ERI1: variants seen among roughly 807,000 people sequenced by gnomAD.
ERI1 encodes the protein exoribonuclease 1.
Under a neutral mutation model 39.7 loss-of-function variants are expected in ERI1, and 39 were observed. That is an observed-to-expected ratio of 0.98 (90% CI 0.76 to 1.28). The LOEUF is 1.28. ERI1 is among the 50% of genes most tolerant of loss of function. The pLI, the probability that ERI1 is intolerant of heterozygous loss-of-function variation, is 0.00. For missense variants in ERI1, 581 were observed against 416.9 expected (o/e 1.39, Z -3.43); for synonymous variants, 204 against 149.6 (o/e 1.36, Z -2.65).
chr8:9,066,602 G>A (rs992529681), intron 3 of ERI1, among the ~76,000 whole-genome samples: 1 of 152,232 alleles, frequency 6.6e-6, no homozygotes, highest in Non-Finnish European at 1.5e-5. Context: ...TTGTGAAGAT[G>A]TAGGACATTT....
At chr8:9,074,114 C>T (rs1359716331) in intron 3 of ERI1, among the ~76,000 whole-genome samples, 5 of 150,432 alleles carry the variant, frequency 3.3e-5, no homozygotes, top group Non-Finnish European at 1.5e-5. Context: ...GTTATTTTTT[C>T]GTTTTTGTTT....
chr8:9,028,584 C>T (rs1286688460), intron 6 of ERI1, among the ~76,000 whole-genome samples: 1 of 152,154 alleles, frequency 6.6e-6, no homozygotes, highest in African/African-American at 2.4e-5. Flanking sequence ...GAATGTAAAA[C>T]TTAACAAATC....
At chr8:9,007,603 G>A (rs1164761395) in intron 1 of ERI1, among the ~76,000 whole-genome samples, 2 of 152,132 alleles carry the variant, frequency 1.3e-5, no homozygotes, top group African/African-American at 4.8e-5. Flanking sequence ...CCATTTTATA[G>A]ATAAGGAAAT....
chr8:9,024,634 G>A (rs1240685102), intron 6 of ERI1, among the ~76,000 whole-genome samples: 1 of 152,044 alleles, frequency 6.6e-6, no homozygotes, highest in Non-Finnish European at 1.5e-5. Flanking sequence ...ATGTTGGCCA[G>A]GCTGGTTTTG....
intron 3 of ERI1, among the ~76,000 whole-genome samples, chr8:9,044,469 A>G (rs3958881): frequency 0.13 from 20,512 of 152,096 alleles, 1,502 homozygotes; most frequent in Middle Eastern, 0.17. Flanking sequence ...ACTGGCCCCC[A>G]TACAGGTAGG....
intron 3 of ERI1, among the ~76,000 whole-genome samples, chr8:9,058,164 G>C (rs923015406): frequency 6.6e-6 from 1 of 152,202 alleles, no homozygotes; most frequent in Non-Finnish European, 1.5e-5. Flanking sequence ...GGAGCAGACA[G>C]ACTGCTGCAA....
intron 3 of ERI1, among the ~76,000 whole-genome samples, chr8:9,044,762 C>T (rs1157898610): frequency 6.6e-6 from 1 of 152,008 alleles, no homozygotes. Context: ...GTCTCCAAGA[C>T]GGTATTTTCC....
In ERI1 at chr8:9,029,951, C is replaced by G; in HGVS notation, c.967C>G (p.His323Asp). The G allele has an allele frequency of 6.2e-7, 1 of 1,614,092 alleles. No homozygotes were observed. The highest frequency in any genetic ancestry group is 8.5e-7 in the Non-Finnish European group (1 of 1,180,006). Residue 323 changes from histidine (H) to aspartate (D), a missense_variant, in exon 7 of 7, where the codon CAT (histidine) becomes GAT (aspartate). Transcript: ENST00000250263. ...TGAACTCCGAATCAACGAGAAAATG[C>G]ATGCAGGACAGCTAATGAGTGTGTC... ...GCELRINEKM[H>D]AGQLMSVSSS...
intron 3 of ERI1, among the ~76,000 whole-genome samples, chr8:9,077,302 C>G (rs1461669760): frequency 6.6e-6 from 1 of 152,202 alleles, no homozygotes; most frequent in African/African-American, 2.4e-5. Context: ...AAAAATTCCA[C>G]CTGTTTCATG....
chr8:9,051,707 T>C (rs1585262966), intron 3 of ERI1, among the ~76,000 whole-genome samples: 1 of 152,252 alleles, frequency 6.6e-6, no homozygotes, highest in South Asian at 2.1e-4. Flanking sequence ...CTCTTGGTCC[T>C]GCCTAGAACC....
intron 3 of ERI1, among the ~76,000 whole-genome samples, chr8:9,043,473 G>A (rs1798086083): frequency 6.6e-6 from 1 of 152,218 alleles, no homozygotes; most frequent in Admixed American, 6.5e-5. Context: ...GTGGTTCTTT[G>A]GAGTTCAGGA....
intron 1 of ERI1, among the ~76,000 whole-genome samples, chr8:9,005,083 G>C (rs949603176): frequency 3.9e-5 from 6 of 152,178 alleles, no homozygotes; most frequent in Admixed American, 2.6e-4. Flanking sequence ...TTGTAAACTA[G>C]TAGAAGCTAT....
At chr8:9,097,731 A>C (rs938320377) in intron 3 of ERI1, among the ~76,000 whole-genome samples, 4 of 152,066 alleles carry the variant, frequency 2.6e-5, no homozygotes, top group African/African-American at 9.7e-5. Context: ...TTTTAAAAGA[A>C]AGAAAAGAAG....
chr8:9,099,530 G>T (rs1303329819), intron 3 of ERI1, among the ~76,000 whole-genome samples: 1 of 151,398 alleles, frequency 6.6e-6, no homozygotes, highest in Non-Finnish European at 1.5e-5. Context: ...GGGAGGTCAA[G>T]GCAGCAGTGA....
downstream of ERI1, chr8:9,033,460 C>G (rs1011909294): frequency 6.6e-6 from 1 of 152,044 alleles, no homozygotes; most frequent in Non-Finnish European, 1.5e-5. Flanking sequence ...CTGTCTGGCC[C>G]TTTATGGAGA....
chr8:9,027,917 A>G (rs1380063389), intron 6 of ERI1, among the ~76,000 whole-genome samples: 1 of 152,214 alleles, frequency 6.6e-6, no homozygotes, highest in Non-Finnish European at 1.5e-5. Flanking sequence ...TTTCAGGATA[A>G]AATCCTACTT....
intron 3 of ERI1, among the ~76,000 whole-genome samples, chr8:9,065,510 G>A (rs887243017): frequency 6.6e-6 from 1 of 151,880 alleles, no homozygotes; most frequent in African/African-American, 2.4e-5. Context: ...CTTGGCTAAC[G>A]TGGTGAAACG....
chr8:9,084,978 G>T (rs747902376), intron 3 of ERI1, among the ~76,000 whole-genome samples: 1 of 152,018 alleles, frequency 6.6e-6, no homozygotes, highest in African/African-American at 2.4e-5. Flanking sequence ...AATCCCCCCT[G>T]CATCCCCCTC....
intron 3 of ERI1, among the ~76,000 whole-genome samples, chr8:9,083,338 A>G (rs1292452176): frequency 6.6e-6 from 1 of 152,224 alleles, no homozygotes; most frequent in African/African-American, 2.4e-5. Context: ...ATTACATGGT[A>G]TCTGCCCCCT....
Sources: allele counts gnomAD v4.1 joint callset (sites outside exome capture counted in the v4.1 genomes callset), GRCh38; gene constraint gnomAD v4.1.1; transcripts MANE v1.5; gene names NCBI Gene and HGNC (gene_info 2026-07-23, HGNC 2026-07-21).